The following ZNF678 variants were observed in gnomAD, a reference collection of about 807,000 sequenced individuals.
The protein encoded by ZNF678 is zinc finger protein 678.
Under a neutral mutation model 3.0 loss-of-function variants are expected in ZNF678, and 5 were observed. The ratio of observed to expected loss-of-function variants is 1.69; its 90% CI spans 0.88 to 3.56. ZNF678 has a LOEUF of 3.56. ZNF678 is among the 30% of genes most tolerant of loss of function. The pLI is 0.00. For missense variants in ZNF678, 593 were observed against 605.0 expected (o/e 0.98, Z 0.21); for synonymous variants, 218 against 199.6 (o/e 1.09, Z -0.78).
At chr1:227,613,540 G>GA (rs1298068842) in intron 1 of ZNF678, among the ~76,000 whole-genome samples, 1 of 152,130 alleles carries the variant, frequency 6.6e-6, no homozygotes, top group Non-Finnish European at 1.5e-5. Context: ...TAGGTCTTTT[G>GA]AAAAATGACT....
At chr1:227,575,787 A>G (rs1422277808) in intron 1 of ZNF678, among the ~76,000 whole-genome samples, 1 of 152,138 alleles carries the variant, frequency 6.6e-6, no homozygotes, top group Non-Finnish European at 1.5e-5. Flanking sequence ...TATGTTGAAT[A>G]GGAGTGGTGA....
intron 1 of ZNF678, among the ~76,000 whole-genome samples, chr1:227,617,554 T>C (rs1459158618): frequency 1.3e-5 from 2 of 152,116 alleles, no homozygotes; most frequent in African/African-American, 2.4e-5. Flanking sequence ...GGGATATCCC[T>C]GGACAGTGGT....
chr1:227,635,084 T>C (rs561242644), intron 1 of ZNF678, among the ~76,000 whole-genome samples: 2 of 51,642 alleles, frequency 3.9e-5, no homozygotes, highest in South Asian at 1.5e-3. Context: ...TGCCTGGTAA[T>C]CAAAAAAAAA....
In ZNF678 at chr1:227,655,907, T is replaced by G; in HGVS notation, c.*79T>G. 7.5e-7 allele frequency: 1 copy of G among 1,328,716 alleles called. No individual in the cohort carries two copies. The highest frequency in any genetic ancestry group is 1.0e-6 in the Non-Finnish European group (1 of 972,916). 82.3% of individuals were successfully genotyped at this position (1,328,716 alleles called of 1,614,324 possible). Reference sequence around the variant, plus strand: ...TGAGCATAATGACTGTTTAAGGATGTTTCACAAAATGTAAGCTTCAGAGTG... The same window carrying G: ...TGAGCATAATGACTGTTTAAGGATGGTTCACAAAATGTAAGCTTCAGAGTG... On this transcript the variant is annotated 3_prime_UTR_variant, in exon 4 of 4. Transcript: ENST00000343776.
chr1:227,675,708 A>G (rs12059899), intron 5 of ZNF678, among the ~76,000 whole-genome samples: 35,653 of 151,892 alleles, frequency 0.23, 4,571 homozygotes, highest in East Asian at 0.44. Flanking sequence ...TACACACTCC[A>G]TATCCTGGGG....
chr1:227,660,123 C>G lies in ZNF678; in HGVS notation c.*4295C>G, dbSNP rs1349163837. 6.6e-6 allele frequency: 1 copy of G among 152,094 alleles called. No individual in the cohort carries two copies. Among genetic ancestry groups the G allele is most frequent in the Non-Finnish European group, 1.5e-5 (1 of 68,008 alleles). 9.4% of individuals were successfully genotyped at this position (152,094 alleles called of 1,614,324 possible). ...GGTATTCATCTTTCTGTGTTCTGCT[C>G]CATTGGTCTATTTATCTGTTTTTAA... On this transcript the variant is annotated 3_prime_UTR_variant, in exon 4 of 4. Transcript: ENST00000343776.
intron 1 of ZNF678, among the ~76,000 whole-genome samples, chr1:227,585,787 A>AC (rs1657245468): frequency 2.0e-5 from 3 of 152,142 alleles, no homozygotes; most frequent in East Asian, 1.9e-4. Context: ...CCAAAAAAAA[A>AC]CAAAAATGTG....
rs925610200 is a variant in ZNF678, at chr1:227,656,587, T to A, written c.*759T>A. ...ATTTATATGCTTTTTCATGAATGAT[T>A]AAGGGCACCGAAATGTAACATTTAT... On this transcript the variant is annotated 3_prime_UTR_variant, in exon 4 of 4. Transcript: ENST00000343776. 1 of 151,856 alleles carries A rather than the reference T, an allele frequency of 6.6e-6. No homozygotes were observed. Among genetic ancestry groups the A allele is most frequent in the African/African-American group, 2.4e-5 (1 of 41,414 alleles). 9.4% of individuals were successfully genotyped at this position (151,856 alleles called of 1,614,324 possible). A position where few individuals can be genotyped will look rare whatever the true frequency, so the allele number is the denominator to read the frequency against.
chr1:227,655,463 TA>T lies in ZNF678; in HGVS notation c.1214del (p.Tyr405SerfsTer16), dbSNP rs771736692. On this transcript the variant is annotated frameshift_variant, in exon 4 of 4. Transcript: ENST00000343776. LOFTEE classifies it low-confidence loss of function (END_TRUNC). ...GAGAATTCATACTGGAGTGAAACCC[TA>T]CAAATGTGAAGAATGTGGGAAAGTT... ...HRRIHTGVKP[Y>X]KCEECGKVFK... 4 of 1,612,476 alleles carry T rather than the reference TA, an allele frequency of 2.5e-6. No individual in the cohort carries two copies. In the African/African-American group the frequency reaches 5.3e-5, roughly 22 times the overall value.
chr1:227,622,725 C>T (rs938707337), intron 1 of ZNF678, among the ~76,000 whole-genome samples: 1 of 152,196 alleles, frequency 6.6e-6, no homozygotes, highest in Admixed American at 6.5e-5. Context: ...CCTCCTGCCT[C>T]CATTGAGGTG....
chr1:227,632,011 A>G (rs997449620), intron 1 of ZNF678, among the ~76,000 whole-genome samples: 8 of 152,168 alleles, frequency 5.3e-5, no homozygotes, highest in African/African-American at 1.9e-4. Flanking sequence ...AGGCTTGGAG[A>G]TTGTATTGCA....
At chr1:227,644,690 C>T (rs1658911964) in intron 1 of ZNF678, among the ~76,000 whole-genome samples, 1 of 152,136 alleles carries the variant, frequency 6.6e-6, no homozygotes, top group Non-Finnish European at 1.5e-5. Context: ...AATTGGGGCT[C>T]AGAATAGCAA....
chr1:227,566,591 G>T (rs1656691069), intron 1 of ZNF678, among the ~76,000 whole-genome samples: 1 of 152,216 alleles, frequency 6.6e-6, no homozygotes, highest in South Asian at 2.1e-4. Flanking sequence ...CTTGACGCTT[G>T]AGTCGGATGT....
chr1:227,605,261 T>A (rs1025503586), intron 1 of ZNF678, among the ~76,000 whole-genome samples: 1 of 152,216 alleles, frequency 6.6e-6, no homozygotes, highest in Non-Finnish European at 1.5e-5. Flanking sequence ...ATAGCTAGTG[T>A]ACAGAAATAC....
chr1:227,605,176 G>GTTTT (rs1558140479), intron 1 of ZNF678, among the ~76,000 whole-genome samples: 1 of 152,032 alleles, frequency 6.6e-6, no homozygotes, highest in African/African-American at 2.4e-5. Context: ...TTTTTAAAAG[G>GTTTT]TTTTTCTCTT....
At position 227,651,325 on chromosome 1, in the gene ZNF678, G is replaced by C. The variant is rs141286500; in HGVS notation, c.85+249G>C. Among the ~76,000 whole-genome samples, 12 of 152,258 alleles carry C rather than the reference G, an allele frequency of 7.9e-5. 1 individual carries two copies. The East Asian group carries it at 2.3e-3, about 29-fold the overall frequency. ...AATACCAAGTGTTTGTATGTGTGTG[G>C]CTCTCACCCAGTACTTGTGAGGTTT... On this transcript the variant is annotated intron_variant, in intron 3 of 3. Transcript: ENST00000343776.
At chr1:227,598,960 T>C (rs1657664375) in intron 1 of ZNF678, 4 of 948,960 alleles carry the variant, frequency 4.2e-6, no homozygotes, top group Non-Finnish European at 6.8e-6. Context: ...TCTCATTCAT[T>C]TTTTTCTTCA....
intron 1 of ZNF678, among the ~76,000 whole-genome samples, chr1:227,589,748 G>C (rs367790143): frequency 1.3e-5 from 2 of 151,792 alleles, no homozygotes; most frequent in African/African-American, 4.9e-5. Flanking sequence ...GGAATCTATA[G>C]ATAACATAAC....
In ZNF678 at chr1:227,657,680, T is replaced by G. The variant is rs1234435071; in HGVS notation, c.*1852T>G. On this transcript the variant is annotated 3_prime_UTR_variant, in exon 4 of 4. Transcript: ENST00000343776. ...GGAGTTAATTTTATAAGTCTGTCAC[T>G]CTAAACATAAGTGTTAGCTTTAAGA... is the stretch of plus-strand genomic sequence containing the variant. The G allele has an allele frequency of 2.6e-5, 4 of 152,026 alleles. No homozygotes were observed. The highest frequency in any genetic ancestry group is 4.4e-5 in the Non-Finnish European group (3 of 67,920). The allele number at this position is 152,026 out of a possible 1,614,324, so 9.4% of individuals were successfully genotyped here.
Sources: allele counts gnomAD v4.1 joint callset (sites outside exome capture counted in the v4.1 genomes callset), GRCh38; gene constraint gnomAD v4.1.1; transcripts MANE v1.5; gene names NCBI Gene and HGNC (gene_info 2026-07-23, HGNC 2026-07-21).